NOVA1: variants seen among roughly 807,000 people sequenced by gnomAD.
The protein encoded by NOVA1 is RNA-binding protein Nova-1.
Under a neutral mutation model 38.0 loss-of-function variants are expected in NOVA1, and 7 were observed. The ratio of observed to expected loss-of-function variants is 0.18; its 90% CI spans 0.10 to 0.35. NOVA1 has a LOEUF of 0.35. Among genes scored for constraint, NOVA1 ranks in the 10% least tolerant of loss-of-function variants. The probability of loss-of-function intolerance (pLI) is 1.00; values close to 1 mark genes in which losing one functional copy is unlikely to be tolerated. For missense variants in NOVA1, 460 were observed against 616.0 expected, an observed-to-expected ratio of 0.75 and a Z score of 2.68; for synonymous variants, 270 against 232.5, an observed-to-expected ratio of 1.16 and a Z score of -1.47.
At chr14:26,555,318 T>C (rs981744054) in intron 2 of NOVA1, among the ~76,000 whole-genome samples, 1 of 152,116 alleles carries the variant, frequency 6.6e-6, no homozygotes, top group African/African-American at 2.4e-5. Flanking sequence ...GGTATCAGTA[T>C]TTTACATGAT....
intron 2 of NOVA1, among the ~76,000 whole-genome samples, chr14:26,555,690 G>C (rs1891439799): frequency 6.6e-6 from 1 of 152,086 alleles, no homozygotes; most frequent in Non-Finnish European, 1.5e-5. Flanking sequence ...TTCACTGTTA[G>C]TTAATAATAT....
intron 2 of NOVA1, among the ~76,000 whole-genome samples, chr14:26,581,391 T>G (rs1459867407): frequency 6.6e-6 from 1 of 152,034 alleles, no homozygotes; most frequent in African/African-American, 2.4e-5. Context: ...GTAGACATTA[T>G]ATATAATTTA....
chr14:26,545,044 G>A (rs1390259803), intron 2 of NOVA1, among the ~76,000 whole-genome samples: 1 of 152,028 alleles, frequency 6.6e-6, no homozygotes, highest in Non-Finnish European at 1.5e-5. Context: ...TATTATATAT[G>A]TTGTGAATTT....
Position 26,448,526 on chromosome 14 carries a change from A to C in NOVA1, c.957T>G (p.Leu319=), listed in dbSNP as rs778550936. 1 of 1,614,188 alleles carries C rather than the reference A, an allele frequency of 6.2e-7. No homozygotes were observed. Among genetic ancestry groups the C allele is most frequent in the Non-Finnish European group, 8.5e-7 (1 of 1,180,036 alleles). Residue 319 remains leucine, a synonymous_variant, in exon 5 of 5, where the codon CTT becomes CTG. Coordinates refer to ENST00000539517, the MANE Select transcript of NOVA1 (RefSeq NM_002515.3). The surrounding 1 kb of genome is among the most constrained non-coding windows in gnomAD (Gnocchi z 5.3). ...GNDLVAITSA[L]NTLASYGYNL... is the part of the protein sequence containing the mutation. ...TATATCCATAGCTGGCTAATGTATT[A>C]AGTGCAGAGGTGATGGCCACCAGGT...
At chr14:26,590,460 G>A (rs891211517) in intron 2 of NOVA1, among the ~76,000 whole-genome samples, 2 of 151,852 alleles carry the variant, frequency 1.3e-5, no homozygotes, top group African/African-American at 4.8e-5. Flanking sequence ...ATATTTATTA[G>A]GTGCTGAAAT....
intron 2 of NOVA1, among the ~76,000 whole-genome samples, chr14:26,513,438 T>TA (rs1888238580): frequency 6.6e-6 from 1 of 151,816 alleles, no homozygotes; most frequent in African/African-American, 2.4e-5. Flanking sequence ...GGCAATATGT[T>TA]AAAAAATTAT....
At position 26,448,235 on chromosome 14, in the gene NOVA1, G is replaced by A. The variant is rs746469471; in HGVS notation, c.1248C>T (p.Ser416=). The change falls in exon 5 of 5, where the codon TCC becomes TCT. Residue 416 remains serine (S), a synonymous_variant. Coordinates refer to ENST00000539517, the MANE Select transcript of NOVA1 (RefSeq NM_002515.3). This position sits in a 1 kb window ranked among gnomAD's most constrained non-coding sequence, Gnocchi z 5.3. ...AASAILGTEK[S]TDGSKDVVEI... Reference sequence around the variant, plus strand: ...CAACTACATCCTTGGATCCATCTGTGGACTTTTCTGTTCCTAGAATGGCAC... The same window carrying A: ...CAACTACATCCTTGGATCCATCTGTAGACTTTTCTGTTCCTAGAATGGCAC... 40 of 1,614,078 alleles carry A rather than the reference G, an allele frequency of 2.5e-5. No homozygotes were observed. The highest frequency in any genetic ancestry group is 3.2e-5 in the Non-Finnish European group (38 of 1,180,048).
At chr14:26,519,333 G>A (rs1209918337) in intron 2 of NOVA1, 5 of 152,152 alleles carry the variant, frequency 3.3e-5, no homozygotes, top group Non-Finnish European at 7.4e-5. Flanking sequence ...CAATGGGAAA[G>A]GTGAGTATGT....
chr14:26,585,964 T>C (rs1893490269), intron 2 of NOVA1, among the ~76,000 whole-genome samples: 2 of 151,422 alleles, frequency 1.3e-5, no homozygotes, highest in South Asian at 4.1e-4. Flanking sequence ...TGGTATTCCA[T>C]GAGCACTTCA....
chr14:26,554,340 T>C (rs936379843), intron 2 of NOVA1, among the ~76,000 whole-genome samples: 2 of 150,738 alleles, frequency 1.3e-5, no homozygotes, highest in Non-Finnish European at 1.5e-5. Flanking sequence ...GGAGGAGAAA[T>C]AGGTATATGA....
At chr14:26,571,886 A>C (rs932591313) in intron 2 of NOVA1, among the ~76,000 whole-genome samples, 7 of 152,164 alleles carry the variant, frequency 4.6e-5, no homozygotes, top group Admixed American at 3.9e-4. Flanking sequence ...GAATTGGGGG[A>C]GGAGAGAGAC....
At position 26,527,961 on chromosome 14, in the gene NOVA1, G is replaced by A. The variant is rs1032489349; in HGVS notation, c.281-47818C>T. On this transcript the variant is annotated intron_variant, in intron 2 of 4. Coordinates refer to ENST00000539517, the MANE Select transcript of NOVA1 (RefSeq NM_002515.3). The stretch of plus-strand genomic sequence containing the variant: ...GAAGAAACTAAAAAAGGTAACTAGA[G>A]CCTAAAAACGGCTTGGCTCCCAGAG... 3.3e-5 allele frequency among the ~76,000 whole-genome samples: 5 copies of A among 152,248 alleles called. No homozygotes were observed. The Middle Eastern group carries it at 0.014, about 414-fold the overall frequency.
chr14:26,592,392 T>C (rs1893905908), intron 2 of NOVA1, among the ~76,000 whole-genome samples: 1 of 149,960 alleles, frequency 6.7e-6, no homozygotes. Context: ...CTTGCTCTAA[T>C]CATGTAAGAA....
intron 4 of NOVA1, among the ~76,000 whole-genome samples, chr14:26,466,167 G>A (rs2138227001): frequency 1.3e-5 from 2 of 152,250 alleles, no homozygotes; most frequent in South Asian, 4.2e-4. Context: ...TCTGCAAGGG[G>A]CAACAAATGT....
intron 4 of NOVA1, among the ~76,000 whole-genome samples, chr14:26,454,554 C>T (rs984634596): frequency 2.0e-5 from 3 of 152,084 alleles, no homozygotes; most frequent in African/African-American, 7.2e-5. Context: ...TGTCTAAAGC[C>T]ATCACAGAGG....
chr14:26,453,127 A>G (rs1026572201), intron 4 of NOVA1, among the ~76,000 whole-genome samples: 1 of 152,158 alleles, frequency 6.6e-6, no homozygotes, highest in African/African-American at 2.4e-5. Context: ...TCCTGTTTCA[A>G]ATCTAAACCC....
chr14:26,445,223 A>G lies in NOVA1; in HGVS notation c.*2736T>C, dbSNP rs967485305. On this transcript the variant is annotated 3_prime_UTR_variant, in exon 5 of 5. Transcript: ENST00000539517. ...CTCCATTTTGGATCAGTACAGCTGA[A>G]CAGCCATTGTTACATGCCTACCTGT... 2 of 152,230 alleles carry G rather than the reference A, an allele frequency of 1.3e-5. No individual in the cohort carries two copies. The highest frequency in any genetic ancestry group is 2.9e-5 in the Non-Finnish European group (2 of 68,040). 9.4% of individuals were successfully genotyped at this position (152,230 alleles called of 1,614,324 possible). A position where few individuals can be genotyped will look rare whatever the true frequency, so the allele number is the denominator to read the frequency against.
chr14:26,546,818 G>T (rs890918551), intron 2 of NOVA1, among the ~76,000 whole-genome samples: 2 of 152,130 alleles, frequency 1.3e-5, no homozygotes, highest in African/African-American at 2.4e-5. Flanking sequence ...AGGAGATCAA[G>T]ACCATCCTGG....
intron 2 of NOVA1, among the ~76,000 whole-genome samples, chr14:26,541,437 A>G (rs1199775055): frequency 6.6e-6 from 1 of 151,520 alleles, no homozygotes; most frequent in Admixed American, 6.6e-5. Flanking sequence ...CAATTCAAAA[A>G]CAGAATGAGC....
Sources: allele counts gnomAD v4.1 joint callset (sites outside exome capture counted in the v4.1 genomes callset), GRCh38; gene constraint gnomAD v4.1.1; non-coding constraint Gnocchi (gnomAD v3.1); transcripts MANE v1.5; gene names NCBI Gene and HGNC (gene_info 2026-07-23, HGNC 2026-07-21).